ZDHHC1: variants seen among roughly 807,000 people sequenced by gnomAD.
The protein encoded by ZDHHC1 is palmitoyltransferase ZDHHC1.
In ZDHHC1, 45 loss-of-function variants were observed where a neutral mutation model predicts 46.9. The ratio of observed to expected loss-of-function variants is 0.96; its 90% CI spans 0.76 to 1.23. The LOEUF (loss-of-function observed/expected upper bound fraction) is 1.23. ZDHHC1 is among the 50% of genes most tolerant of loss of function. The pLI, the probability that ZDHHC1 is intolerant of heterozygous loss-of-function variation, is 0.00. For missense variants in ZDHHC1, 649 were observed against 670.8 expected (o/e 0.97, Z 0.36); for synonymous variants, 291 against 286.0 (o/e 1.02, Z -0.18).
intron 1 of ZDHHC1, among the ~76,000 whole-genome samples, chr16:67,415,288 T>C (rs2040815747): frequency 6.6e-6 from 1 of 151,694 alleles, no homozygotes; most frequent in South Asian, 2.1e-4. Context: ...TAAGACCTCA[T>C]CTCTACCAAA....
At chr16:67,405,850 C>T (rs909852849) in intron 3 of ZDHHC1, among the ~76,000 whole-genome samples, 1 of 152,228 alleles carries the variant, frequency 6.6e-6, no homozygotes, top group Non-Finnish European at 1.5e-5. Flanking sequence ...ACTAATTACT[C>T]CCTACTTCAT....
At chr16:67,395,368 A>C (rs2040408608) in intron 9 of ZDHHC1, 88 bp from the exon 10 acceptor site, 1 of 1,504,394 alleles carries the variant, frequency 6.6e-7, no homozygotes, top group South Asian at 1.3e-5. Context: ...CCTTCCTGTT[A>C]GCTCAGAGAA....
intron 1 of ZDHHC1, among the ~76,000 whole-genome samples, chr16:67,415,913 G>A (rs2040827097): frequency 6.6e-6 from 1 of 152,176 alleles, no homozygotes. Context: ...TTAATGCTCT[G>A]GGTTCTGGAG....
rs1567513786 is a variant in ZDHHC1, at chr16:67,394,882, G to GGGCC, written c.1173_1176dup (p.Pro393GlyfsTer107). On this transcript the variant is annotated frameshift_variant, in exon 12 of 12. Transcript: ENST00000565726. LOFTEE classifies it low-confidence loss of function (END_TRUNC). ...GTCGACGAGCTGGAGCGGCGGCTGG[G>GGGCC]GGCCCTAGGCCCTGCGCAAGGGAAG... 1.3e-6 allele frequency: 2 copies of GGGCC among 1,563,736 alleles called. No homozygotes were observed. The highest frequency in any genetic ancestry group is 1.7e-6 in the Non-Finnish European group (2 of 1,157,294).
At chr16:67,395,613 C>G in intron 8 of ZDHHC1, 47 bp from the exon 9 acceptor site, 1 of 1,537,096 alleles carries the variant, frequency 6.5e-7, no homozygotes, top group Non-Finnish European at 8.8e-7. Flanking sequence ...GGTGTGGCTC[C>G]CGAGCCTGCT....
chr16:67,403,603 CTTTTGTT>C (rs994685929), intron 3 of ZDHHC1, among the ~76,000 whole-genome samples: 2 of 151,292 alleles, frequency 1.3e-5, no homozygotes, highest in Non-Finnish European at 2.9e-5. Context: ...AGCCTCATTT[CTTTTGTT>C]TTTTGTTTTT....
chr16:67,395,077 G>T lies in ZDHHC1; in HGVS notation c.1105-15C>A, dbSNP rs972386421. The T allele has an allele frequency of 2.5e-6, 4 of 1,613,128 alleles. No individual in the cohort carries two copies. Among genetic ancestry groups the T allele is most frequent in the Non-Finnish European group, 3.4e-6 (4 of 1,179,958 alleles). On this transcript the variant is annotated splice_polypyrimidine_tract_variant and intron_variant, in intron 10 of 11. Coordinates refer to ENST00000565726, the MANE Select transcript of ZDHHC1 (RefSeq NM_001323627.2). ...TTCCTCTTTTTCTGCAGAGACACGG[G>T]GGAGCCTGAGGGCCCCACATCGCCA...
At chr16:67,408,489 TTTG>T (rs2142256325) in intron 1 of ZDHHC1, among the ~76,000 whole-genome samples, 1 of 151,552 alleles carries the variant, frequency 6.6e-6, no homozygotes, top group African/African-American at 2.4e-5. Flanking sequence ...TTTGTTTTGT[TTTG>T]TTTTTTGTTT....
rs768013359 is a variant in ZDHHC1, at chr16:67,406,362, G to A, written c.90C>T (p.Pro30=). The A allele has an allele frequency of 2.5e-6, 4 of 1,584,140 alleles. No homozygotes were observed. Among genetic ancestry groups the A allele is most frequent in the Non-Finnish European group, 3.4e-6 (4 of 1,165,090 alleles). ...VWTAPAQPSG[P]SPELQGQRSR... is the part of the protein sequence containing the mutation. ...ATCGCTGGCCCTGCAGCTCAGGGGA[G>A]GGTCCGCTGGGCTGTGCCGGTGCCG... is the stretch of plus-strand genomic sequence containing the variant. The change falls in exon 3 of 12, where the codon CCC becomes CCT. Residue 30 remains proline (P), a synonymous_variant. Coordinates refer to ENST00000565726, the MANE Select transcript of ZDHHC1 (RefSeq NM_001323627.2). The surrounding 1 kb of genome is among the most constrained non-coding windows in gnomAD (Gnocchi z 4.1).
chr16:67,409,757 C>T (rs963710998), intron 1 of ZDHHC1, among the ~76,000 whole-genome samples: 6 of 152,208 alleles, frequency 3.9e-5, no homozygotes, highest in African/African-American at 1.2e-4. Context: ...TCTCCAACGA[C>T]GTAGCCAGCT....
chr16:67,395,462 C>G, intron 9 of ZDHHC1, 22 bp downstream of exon 9: 2 of 1,551,114 alleles, frequency 1.3e-6, no homozygotes, highest in African/African-American at 2.7e-5. Context: ...TGCCCAGTGG[C>G]ACATGCCCAG....
Position 67,398,842 on chromosome 16 carries a change from C to G in ZDHHC1, c.633G>C (p.Leu211=), listed in dbSNP as rs766339839. The G allele has an allele frequency of 1.2e-6, 2 of 1,612,710 alleles. No individual in the cohort carries two copies. Among genetic ancestry groups the G allele is most frequent in the African/African-American group, 1.3e-5 (1 of 74,906 alleles). ...FVEFFVNPMR[L]RTNRHFEVLK... Reference sequence around the variant, plus strand: ...GACCTTCAAAGTGTCGGTTGGTGCGCAGACGCATGGGGTTGACAAAGAACT... The same window carrying G: ...GACCTTCAAAGTGTCGGTTGGTGCGGAGACGCATGGGGTTGACAAAGAACT... Residue 211 remains leucine (L), a synonymous_variant, in exon 6 of 12, where the codon CTG becomes CTC. Transcript: ENST00000565726.
At position 67,399,400 on chromosome 16, in the gene ZDHHC1, T is replaced by G; in HGVS notation, c.485A>C (p.His162Pro). The change falls in exon 5 of 12, where the codon CAC becomes CCC. Residue 162 changes from histidine (H) to proline (P), a missense_variant. Transcript: ENST00000565726. ...ACNKCVCGFD[H>P]HCKWLNNCVG... ...ACAGTTGTTGAGCCACTTGCAGTGG[T>G]GGTCGAAACCGCACACGCACTTGTT... 1 of 1,613,368 alleles carries G rather than the reference T, an allele frequency of 6.2e-7. No homozygotes were observed. The highest frequency in any genetic ancestry group is 8.5e-7 in the Non-Finnish European group (1 of 1,179,838).
intron 3 of ZDHHC1, among the ~76,000 whole-genome samples, chr16:67,405,634 G>A (rs2040639405): frequency 6.6e-6 from 1 of 152,150 alleles, no homozygotes; most frequent in South Asian, 2.1e-4. Flanking sequence ...ACTATTCCCA[G>A]GGGCATTCGA....
chr16:67,394,860 G>A lies in ZDHHC1; in HGVS notation c.1199C>T (p.Ser400Leu). ...PRAPSRRSSS[S>L]TDSADASPVH... ...AGGGCTGGCGTCCGCGGAATCCGTC[G>A]ACGAGCTGGAGCGGCGGCTGGGGGC... is the stretch of plus-strand genomic sequence containing the variant. Residue 400 changes from serine (S) to leucine (L), a missense_variant, in exon 12 of 12, where the codon TCG becomes TTG. Physicochemically the swap from Ser to Leu is moderately radical, Grantham distance 145 (BLOSUM62 -2). Transcript: ENST00000565726. The A allele has an allele frequency of 1.9e-6, 3 of 1,566,004 alleles. No individual in the cohort carries two copies. The highest frequency in any genetic ancestry group is 2.6e-6 in the Non-Finnish European group (3 of 1,158,342).
Position 67,394,564 on chromosome 16 carries a change from A to T in ZDHHC1, c.*46T>A. 3.5e-6 allele frequency: 4 copies of T among 1,134,170 alleles called. No homozygotes were observed. The South Asian group carries it at 1.7e-4, about 48-fold the overall frequency. 70.3% of individuals were successfully genotyped at this position (1,134,170 alleles called of 1,614,324 possible). On this transcript the variant is annotated 3_prime_UTR_variant, in exon 12 of 12. Coordinates refer to ENST00000565726, the MANE Select transcript of ZDHHC1 (RefSeq NM_001323627.2). ...GGCAAGGATGGGGTGTTGCATAGAG[A>T]GTCAGGCCGGCCGCTCTAACTCGGC...
At chr16:67,413,821 C>T (rs529218106) in intron 1 of ZDHHC1, among the ~76,000 whole-genome samples, 1 of 152,166 alleles carries the variant, frequency 6.6e-6, no homozygotes, top group South Asian at 2.1e-4. Flanking sequence ...TGCCTGTAAT[C>T]CCAGCTACTC....
Position 67,398,259 on chromosome 16 carries a change from C to T in ZDHHC1, c.880G>A (p.Val294Ile). 3 of 1,614,102 alleles carry T rather than the reference C, an allele frequency of 1.9e-6. No individual in the cohort carries two copies. Among genetic ancestry groups the T allele is most frequent in the African/African-American group, 2.7e-5 (2 of 75,036 alleles). The change falls in exon 8 of 12, where the codon GTT (valine) becomes ATT (isoleucine). Residue 294 changes from valine to isoleucine, a missense_variant. Physicochemically the swap from Val to Ile is conservative, Grantham distance 29. Transcript: ENST00000565726. ...GGACATGACTCGAGCTCCCTGTGAA[C>T]CCCCTTGGCCTCCTGTGGTGGGCGG... ...QHRPPQEAKG[V>I]HRELESCPPK...
Position 67,395,288 on chromosome 16 carries a change from G to T in ZDHHC1, c.1011-8C>A. The T allele has an allele frequency of 6.5e-7, 1 of 1,531,644 alleles. No individual in the cohort carries two copies. The highest frequency in any genetic ancestry group is 1.2e-5 in the South Asian group (1 of 81,646). 94.9% of individuals were successfully genotyped at this position (1,531,644 alleles called of 1,614,324 possible). A position where few individuals can be genotyped will look rare whatever the true frequency, so the allele number is the denominator to read the frequency against. Reference sequence around the variant, plus strand: ...GCAAGAAACTGGGAGGGACTGAGGGGGAAGCAGGAGGGTAAGCCTGGGGCC... The same window carrying T: ...GCAAGAAACTGGGAGGGACTGAGGGTGAAGCAGGAGGGTAAGCCTGGGGCC... On this transcript the variant is annotated splice_region_variant and splice_polypyrimidine_tract_variant and intron_variant, in intron 9 of 11. Coordinates refer to ENST00000565726, the MANE Select transcript of ZDHHC1 (RefSeq NM_001323627.2).
Sources: gnomAD v4.1 joint callset for allele counts (sites outside exome capture counted in the v4.1 genomes callset) on GRCh38, gnomAD v4.1.1 for gene constraint, Gnocchi (gnomAD v3.1) non-coding constraint, MANE v1.5 for transcripts, NCBI Gene and HGNC (gene_info 2026-07-23, HGNC 2026-07-21) for gene names.